Variants in LITAF observed in about 807,000 individuals in gnomAD.
The protein encoded by LITAF is lipopolysaccharide induced TNF factor.
A neutral mutation model predicts 14.5 loss-of-function variants in LITAF; 9 were observed. That is an observed-to-expected ratio of 0.62 (90% CI 0.37 to 1.08). The LOEUF is 1.08. Ranked by LOEUF, LITAF falls within the 50% of genes least tolerant of loss-of-function variation. The pLI is 0.01. For synonymous variants in LITAF, 98 were observed against 88.2 expected, an observed-to-expected ratio of 1.11 and a Z score of -0.62; for missense variants, 206 against 213.4, an observed-to-expected ratio of 0.97 and a Z score of 0.22.
upstream of LITAF, among the ~76,000 whole-genome samples, chr16:11,599,338 G>C (rs1047930824): frequency 1.3e-5 from 2 of 151,424 alleles, no homozygotes; most frequent in Non-Finnish European, 2.9e-5. Context: ...AGCTGGTCTC[G>C]AACTCCTGAC....
At chr16:11,624,246 G>T (rs930766546) in intron 3 of LITAF, among the ~76,000 whole-genome samples, 5 of 152,228 alleles carry the variant, frequency 3.3e-5, no homozygotes, top group African/African-American at 1.2e-4. Context: ...GCCCCCAGCA[G>T]TTCCAGCCTT....
chr16:11,582,383 C>A (rs2064752254), intron 1 of LITAF, among the ~76,000 whole-genome samples: 1 of 149,256 alleles, frequency 6.7e-6, no homozygotes, highest in Admixed American at 6.7e-5. Context: ...GTAAACTCTT[C>A]TAAAAATATA....
chr16:11,557,035 C>T (rs1028187869), intron 1 of LITAF, among the ~76,000 whole-genome samples: 5 of 151,658 alleles, frequency 3.3e-5, no homozygotes, highest in African/African-American at 1.2e-4. Flanking sequence ...GACCTACGTA[C>T]CTTCCATATC....
chr16:11,557,740 C>T (rs903596556), intron 1 of LITAF, among the ~76,000 whole-genome samples: 3 of 152,204 alleles, frequency 2.0e-5, no homozygotes, highest in East Asian at 1.9e-4. Context: ...CATGAGCCAC[C>T]GCGCCCAGCC....
chr16:11,601,828 G>A (rs1033539698), upstream of LITAF, among the ~76,000 whole-genome samples: 4 of 152,122 alleles, frequency 2.6e-5, no homozygotes, highest in Non-Finnish European at 2.9e-5. Context: ...CCATGTTGTC[G>A]GGATTACAGA....
intron 3 of LITAF, among the ~76,000 whole-genome samples, chr16:11,614,156 C>G (rs1200288264): frequency 1.3e-5 from 2 of 152,168 alleles, no homozygotes; most frequent in African/African-American, 4.8e-5. Context: ...TGACCACAAA[C>G]TAGGTGGCTT....
intron 1 of LITAF, among the ~76,000 whole-genome samples, chr16:11,572,869 C>T (rs2064566455): frequency 6.6e-6 from 1 of 151,250 alleles, no homozygotes; most frequent in South Asian, 2.1e-4. Flanking sequence ...GAAGTAGATG[C>T]TGGGTGACAG....
In LITAF at chr16:11,612,534, C is replaced by T. The variant is rs1013497917; in HGVS notation, c.85+20999G>A. On this transcript the variant is annotated intron_variant, in intron 3 of 3. Transcript: ENST00000574848. Reference sequence around the variant, plus strand: ...GGTCACCTGCGGTTAGAGCAAACTGCACTGCATGCGGCCAGCGGGCGGCCA... The same window carrying T: ...GGTCACCTGCGGTTAGAGCAAACTGTACTGCATGCGGCCAGCGGGCGGCCA... 6.6e-5 allele frequency among the ~76,000 whole-genome samples: 10 copies of T among 152,344 alleles called. No individual in the cohort carries two copies. In the East Asian group the frequency reaches 1.4e-3, roughly 21 times the overall value.
At position 11,605,777 on chromosome 16, in the gene LITAF, G is replaced by A. The variant is rs899103979; in HGVS notation, c.85+27756C>T. On this transcript the variant is annotated intron_variant, in intron 3 of 3. Coordinates refer to the LITAF transcript ENST00000574848. This position sits in a 1 kb window ranked among gnomAD's most constrained non-coding sequence, Gnocchi z 4.7. The stretch of plus-strand genomic sequence containing the variant: ...TGAGACCCTGTCTCTAAGAGAAAGA[G>A]AAGCAAGAGAGTTACCGTGAGAGCC... 6.6e-6 allele frequency among the ~76,000 whole-genome samples: 1 copy of A among 152,058 alleles called. No homozygotes were observed. The highest frequency in any genetic ancestry group is 2.4e-5 in the African/African-American group (1 of 41,408).
chr16:11,561,317 A>G (rs769937532), intron 1 of LITAF: 1 of 152,206 alleles, frequency 6.6e-6, no homozygotes, highest in South Asian at 2.1e-4. Context: ...CTCTCCTCCC[A>G]AAGTGAGGAA....
intron 1 of LITAF, among the ~76,000 whole-genome samples, chr16:11,579,882 C>A (rs1216557826): frequency 6.6e-6 from 1 of 152,194 alleles, no homozygotes; most frequent in Non-Finnish European, 1.5e-5. Context: ...GAGACTAGAA[C>A]ATGTCACCTC....
intron 3 of LITAF, among the ~76,000 whole-genome samples, chr16:11,609,577 G>A (rs1390710160): frequency 6.6e-6 from 1 of 151,894 alleles, no homozygotes; most frequent in East Asian, 1.9e-4. Flanking sequence ...AAACACTCTT[G>A]GAAAAAAGAA....
chr16:11,570,191 T>C (rs2064520481), intron 1 of LITAF, among the ~76,000 whole-genome samples: 1 of 152,200 alleles, frequency 6.6e-6, no homozygotes, highest in Non-Finnish European at 1.5e-5. Context: ...TTTCCTCATC[T>C]GGAAAATGGG....
At chr16:11,616,952 G>A (rs1193893910) in intron 3 of LITAF, among the ~76,000 whole-genome samples, 1 of 150,828 alleles carries the variant, frequency 6.6e-6, no homozygotes, top group African/African-American at 2.4e-5. Flanking sequence ...GGGCGCAGTG[G>A]CTCACATCTG....
intron 3 of LITAF, among the ~76,000 whole-genome samples, chr16:11,631,364 C>T (rs568265625): frequency 2.0e-5 from 3 of 152,224 alleles, no homozygotes; most frequent in East Asian, 1.9e-4. Context: ...CCAGGCATCC[C>T]GGGGCTGGGG....
At chr16:11,610,158 C>A (rs1324738710) in intron 3 of LITAF, among the ~76,000 whole-genome samples, 3 of 152,174 alleles carry the variant, frequency 2.0e-5, no homozygotes, top group Non-Finnish European at 4.4e-5. Flanking sequence ...GGTGGGGGGA[C>A]CCCATAAAGA....
intron 1 of LITAF, among the ~76,000 whole-genome samples, chr16:11,562,754 G>A (rs939772409): frequency 6.6e-5 from 10 of 152,070 alleles, no homozygotes; most frequent in African/African-American, 2.2e-4. Context: ...AAAATTAGCC[G>A]GGCGTTATGG....
At chr16:11,635,818 C>T (rs1357837498) in intron 2 of LITAF, 3 of 152,226 alleles carry the variant, frequency 2.0e-5, no homozygotes, top group African/African-American at 7.2e-5. Context: ...AGCCACACTC[C>T]CAGTACCTTT....
chr16:11,574,687 C>T (rs6498224), intron 1 of LITAF, among the ~76,000 whole-genome samples: 117,882 of 152,062 alleles, frequency 0.78, 46,251 homozygotes, highest in African/African-American at 0.89. Context: ...TCCCTGTTTG[C>T]AGAGTGATTA....
Sources: allele counts gnomAD v4.1 joint callset (sites outside exome capture counted in the v4.1 genomes callset), GRCh38; gene constraint gnomAD v4.1.1; non-coding constraint Gnocchi (gnomAD v3.1); transcripts MANE v1.5; gene names NCBI Gene and HGNC (gene_info 2026-07-23, HGNC 2026-07-21).